Variants in WDR35 observed in about 807,000 individuals in gnomAD.
The protein encoded by WDR35 is WD repeat domain 35, also known as WD repeat-containing protein 35.
A neutral mutation model predicts 158.3 loss-of-function variants in WDR35; 118 were observed. That is an observed-to-expected ratio of 0.75 (90% CI 0.64 to 0.87). The LOEUF (loss-of-function observed/expected upper bound fraction) is 0.87, where lower values mean the gene tolerates loss of function less well. Among genes scored for constraint, WDR35 ranks in the 40% least tolerant of loss-of-function variants. The probability of loss-of-function intolerance (pLI) is 0.00; values close to 1 mark genes in which losing one functional copy is unlikely to be tolerated. For synonymous variants in WDR35, 448 were observed against 476.1 expected (o/e 0.94, Z 0.77); for missense variants, 1,263 against 1,405.8 (o/e 0.90, Z 1.62).
chr2:19,945,406 GA>G (rs1422358950), intron 16 of WDR35, among the ~76,000 whole-genome samples: 1 of 152,044 alleles, frequency 6.6e-6, no homozygotes, highest in African/African-American at 2.4e-5. Flanking sequence ...AATGGACAAG[GA>G]AATTTGAAAA....
chr2:19,985,684 G>A (rs1345407558), intron 2 of WDR35, among the ~76,000 whole-genome samples: 3 of 147,666 alleles, frequency 2.0e-5, no homozygotes, highest in Non-Finnish European at 3.0e-5. Context: ...AGGAGATCAC[G>A]ACCATCCTGG....
At chr2:19,974,428 T>G in intron 7 of WDR35, 40 bp downstream of exon 7, 1 of 1,463,558 alleles carries the variant, frequency 6.8e-7, no homozygotes, top group South Asian at 1.3e-5. Flanking sequence ...AAAAAAAAAA[T>G]AGAAATTAAA....
chr2:19,978,800 C>A lies in WDR35; in HGVS notation c.387G>T (p.Lys129Asn). The A allele has an allele frequency of 6.2e-7, 1 of 1,613,918 alleles. No homozygotes were observed. Among genetic ancestry groups the A allele is most frequent in the Non-Finnish European group, 8.5e-7 (1 of 1,179,872 alleles). Reference protein sequence around the residue: ...RSMSWNADGQKICIVYEDGAV... With the variant: ...RSMSWNADGQNICIVYEDGAV... ...CCCCATCTTCATATACAATGCAGAT[C>A]TTCTGTCCGTCAGCATTCCAGCTCA... Residue 129 changes from lysine (K) to asparagine (N), a missense_variant, in exon 5 of 27, where the codon AAG becomes AAT. Lys to Asn is a moderately conservative substitution (Grantham distance 94). Transcript: ENST00000281405.
chr2:19,940,516 A>T (rs1670837999), intron 17 of WDR35, among the ~76,000 whole-genome samples: 1 of 152,222 alleles, frequency 6.6e-6, no homozygotes, highest in Admixed American at 6.5e-5. Flanking sequence ...AGTGCTATCC[A>T]TATACAGAAG....
chr2:19,948,092 A>C, intron 14 of WDR35, 72 bp downstream of exon 14: 2 of 1,280,668 alleles, frequency 1.6e-6, no homozygotes, highest in Non-Finnish European at 2.2e-6. Flanking sequence ...CATGGGGCAC[A>C]CACCTGGCTC....
At position 19,989,163 on chromosome 2, in the gene WDR35, A is replaced by G; in HGVS notation, c.142+2T>C. ...CAAACATGTGGGCTTGCATTCATTT[A>G]CCTGTCTGCGTCTCTAATTTCAAAA... On this transcript the variant is annotated splice_donor_variant, in intron 2 of 26. Coordinates refer to ENST00000281405, the MANE Select transcript of WDR35 (RefSeq NM_020779.4). LOFTEE classifies it high-confidence loss of function. 6.2e-7 allele frequency: 1 copy of G among 1,613,592 alleles called. No homozygotes were observed. The highest frequency in any genetic ancestry group is 8.5e-7 in the Non-Finnish European group (1 of 1,179,458).
intron 17 of WDR35, among the ~76,000 whole-genome samples, chr2:19,939,379 C>T (rs1472966966): frequency 6.6e-6 from 1 of 152,066 alleles, no homozygotes; most frequent in Non-Finnish European, 1.5e-5. Flanking sequence ...AAAGACAATA[C>T]TATTAAAAAT....
At chr2:19,960,745 G>T in intron 10 of WDR35, 131 bp from the exon 11 acceptor site, 1 of 697,884 alleles carries the variant, frequency 1.4e-6, no homozygotes, top group Non-Finnish European at 2.4e-6. Context: ...AAACTGTTAC[G>T]TGCAAAAAAT....
intron 4 of WDR35, among the ~76,000 whole-genome samples, chr2:19,979,774 C>CACACACACAG (rs1672326947): frequency 5.9e-5 from 1 of 16,860 alleles, no homozygotes; most frequent in Non-Finnish European, 2.2e-4. Context: ...CTATCCCCTA[C>CACACACACAG]ACACACACAC....
At chr2:19,933,094 A>C (rs1670573710) in intron 22 of WDR35, among the ~76,000 whole-genome samples, 1 of 152,234 alleles carries the variant, frequency 6.6e-6, no homozygotes, top group Admixed American at 6.5e-5. Context: ...CAAAATGCAG[A>C]AAATTATGAA....
chr2:19,964,412 C>A (rs569298647), intron 10 of WDR35, among the ~76,000 whole-genome samples: 84 of 115,502 alleles, frequency 7.3e-4, no homozygotes, highest in Non-Finnish European at 1.1e-3. Flanking sequence ...GAGACAGAGT[C>A]TTACTCTGTC....
intron 11 of WDR35, among the ~76,000 whole-genome samples, chr2:19,958,457 C>T (rs1338660046): frequency 1.3e-5 from 2 of 152,152 alleles, no homozygotes; most frequent in African/African-American, 4.8e-5. Flanking sequence ...AATGAATTAA[C>T]TAGGTTTTAA....
At chr2:19,982,683 C>A in intron 2 of WDR35, 149 bp from the exon 3 acceptor site, 2 of 808,886 alleles carry the variant, frequency 2.5e-6, no homozygotes, top group African/African-American at 1.7e-5. Flanking sequence ...TAAACATGAA[C>A]AATAACACAT....
chr2:19,935,749 T>C, intron 20 of WDR35, 146 bp from the exon 21 acceptor site: 2 of 967,910 alleles, frequency 2.1e-6, no homozygotes, highest in Non-Finnish European at 3.0e-6. Context: ...CTTTCAAACA[T>C]ATAAATGGGG....
Position 19,936,282 on chromosome 2 carries a change from T to C in WDR35, c.2351A>G (p.Asp784Gly). 6.2e-7 allele frequency: 1 copy of C among 1,614,080 alleles called. No individual in the cohort carries two copies. The highest frequency in any genetic ancestry group is 8.5e-7 in the Non-Finnish European group (1 of 1,179,956). The change falls in exon 20 of 27, where the codon GAT becomes GGT. Residue 784 changes from aspartate to glycine, a missense_variant. Transcript: ENST00000281405. The stretch of plus-strand genomic sequence containing the variant: ...GTTGGCTTGTTCCAGGAGACTGTCA[T>C]CTGCATCACCAGATCCAGTTTTCAG... ...QLLKTGSGDA[D>G]DSLLEQANNA...
At chr2:19,921,325 C>A (rs1343483788) in intron 25 of WDR35, among the ~76,000 whole-genome samples, 1 of 152,150 alleles carries the variant, frequency 6.6e-6, no homozygotes, top group Non-Finnish European at 1.5e-5. Context: ...TGACTACGAA[C>A]TATACTACAA....
chr2:19,969,354 T>C (rs1172363157), intron 9 of WDR35, 126 bp downstream of exon 9: 4 of 1,012,878 alleles, frequency 3.9e-6, no homozygotes, highest in Non-Finnish European at 5.7e-6. Context: ...AGTTCTAAAA[T>C]CTTCACACAA....
intron 9 of WDR35, among the ~76,000 whole-genome samples, chr2:19,968,417 G>A (rs76074623): frequency 0.027 from 4,177 of 152,308 alleles, 195 homozygotes; most frequent in African/African-American, 0.094. Context: ...CTGTAAGGAA[G>A]ATCTGTTTCT....
chr2:19,951,658 A>C, intron 12 of WDR35, 174 bp from the exon 13 acceptor site: 1 of 536,000 alleles, frequency 1.9e-6, no homozygotes, highest in Non-Finnish European at 3.3e-6. Context: ...AAAATTATCT[A>C]CCAGGTGTTT....
Sources: gnomAD v4.1 joint callset for allele counts (sites outside exome capture counted in the v4.1 genomes callset) on GRCh38, gnomAD v4.1.1 for gene constraint, MANE v1.5 for transcripts, NCBI Gene and HGNC (gene_info 2026-07-23, HGNC 2026-07-21) for gene names.